ATP5PB: variants seen among roughly 807,000 people sequenced by gnomAD.
ATP5PB encodes the protein ATP synthase peripheral stalk subunit b, mitochondrial.
Under a neutral mutation model 34.5 loss-of-function variants are expected in ATP5PB, and 21 were observed. The observed-to-expected ratio is 0.61, with a 90% CI of 0.43 to 0.88. The LOEUF (loss-of-function observed/expected upper bound fraction) is 0.88, where lower values mean the gene tolerates loss of function less well. Ranked by LOEUF, ATP5PB falls within the 40% of genes least tolerant of loss-of-function variation. The pLI is 0.00. For missense variants in ATP5PB, 293 were observed against 317.4 expected, an observed-to-expected ratio of 0.92 and a Z score of 0.58; for synonymous variants, 108 against 114.1, an observed-to-expected ratio of 0.95 and a Z score of 0.34.
At chr1:111,457,597 A>G (rs1044873624) in intron 5 of ATP5PB, among the ~76,000 whole-genome samples, 4 of 152,122 alleles carry the variant, frequency 2.6e-5, no homozygotes, top group African/African-American at 9.7e-5. Flanking sequence ...ATCTTGGCCA[A>G]TATTTCTCAA....
intron 1 of ATP5PB, 94 bp from the exon 2 acceptor site, chr1:111,449,743 G>A: frequency 6.3e-7 from 1 of 1,588,702 alleles, no homozygotes; most frequent in Non-Finnish European, 8.6e-7. Context: ...GGAAAGAGGG[G>A]TACATAGGCT....
At chr1:111,460,078 C>T (rs554074891) in intron 6 of ATP5PB, among the ~76,000 whole-genome samples, 8 of 152,268 alleles carry the variant, frequency 5.3e-5, no homozygotes, top group African/African-American at 1.7e-4. Flanking sequence ...GTGACAGGAT[C>T]TCTTGAGCCC....
intron 5 of ATP5PB, among the ~76,000 whole-genome samples, chr1:111,458,858 T>C (rs941803313): frequency 1.3e-5 from 2 of 152,212 alleles, no homozygotes; most frequent in African/African-American, 4.8e-5. Context: ...TCCTAATTTC[T>C]GCCTCAGTTT....
Position 111,461,636 on chromosome 1 carries a change from A to G in ATP5PB, c.*642A>G, listed in dbSNP as rs1211272958. 1 of 152,298 alleles carries G rather than the reference A, an allele frequency of 6.6e-6. No homozygotes were observed. The highest frequency in any genetic ancestry group is 1.5e-5 in the Non-Finnish European group (1 of 68,124). The allele number at this position is 152,298 out of a possible 1,614,324, so 9.4% of individuals were successfully genotyped here. The stretch of plus-strand genomic sequence containing the variant: ...TGCAGCAGGCCAGGCACAGTGGCTC[A>G]CACCTGTAATGCCTGCACTTTGGAA... On this transcript the variant is annotated 3_prime_UTR_variant, in exon 7 of 7. Coordinates refer to ENST00000369722, the MANE Select transcript of ATP5PB (RefSeq NM_001688.5).
intron 5 of ATP5PB, among the ~76,000 whole-genome samples, chr1:111,458,902 A>G (rs758609425): frequency 6.6e-6 from 1 of 152,192 alleles, no homozygotes; most frequent in African/African-American, 2.4e-5. Flanking sequence ...TATAATAACT[A>G]TGCCATGGTT....
intron 6 of ATP5PB, among the ~76,000 whole-genome samples, chr1:111,460,140 G>T (rs188246500): frequency 2.0e-5 from 3 of 152,246 alleles, no homozygotes; most frequent in Admixed American, 6.5e-5. Flanking sequence ...CTCCAGCCTG[G>T]GTGAGAGAGC....
At position 111,458,656 on chromosome 1, in the gene ATP5PB, A is replaced by T. The variant is rs567272258; in HGVS notation, c.514-801A>T. 1.2e-4 allele frequency among the ~76,000 whole-genome samples: 18 copies of T among 144,638 alleles called. 1 individual carries two copies. The East Asian group carries it at 3.3e-3, about 26-fold the overall frequency. The allele number at this position is 144,638 out of a possible 152,430, so 94.9% of individuals were successfully genotyped here. A position where few individuals can be genotyped will look rare whatever the true frequency, so the allele number is the denominator to read the frequency against. On this transcript the variant is annotated intron_variant, in intron 5 of 6. Coordinates refer to ENST00000369722, the MANE Select transcript of ATP5PB (RefSeq NM_001688.5). ...TATAAGAACTTTGACTTGGACTCTG[A>T]ATGAGAGAAAGTCATTGAAGGATCA...
intron 2 of ATP5PB, among the ~76,000 whole-genome samples, chr1:111,451,222 C>T (rs1653323976): frequency 6.6e-6 from 1 of 152,192 alleles, no homozygotes; most frequent in African/African-American, 2.4e-5. Flanking sequence ...TATCTCTTGA[C>T]ACCATCTCCT....
rs752873057 is a variant in ATP5PB at position 111,454,283 on chromosome 1, C to T, written c.150C>T (p.Tyr50=). 1.1e-5 allele frequency: 17 copies of T among 1,613,294 alleles called. No individual in the cohort carries two copies. The highest frequency in any genetic ancestry group is 2.2e-5 in the South Asian group (2 of 90,904). Residue 50 remains tyrosine, a synonymous_variant, in exon 3 of 7, where the codon TAC becomes TAT. Transcript: ENST00000369722. ...TCCCTGTACCACCTCTTCCTGAATA[C>T]GGAGGAAAAGTTCGTTATGGACTGA... The part of the protein sequence containing the change: ...HLVPVPPLPE[Y]GGKVRYGLIP...
At chr1:111,459,857 A>G (rs1263093748) in intron 6 of ATP5PB, among the ~76,000 whole-genome samples, 1 of 152,148 alleles carries the variant, frequency 6.6e-6, no homozygotes, top group African/African-American at 2.4e-5. Context: ...TAACTGATAT[A>G]TTTAATTTCT....
chr1:111,449,864 T>C lies in ATP5PB; in HGVS notation c.68T>C (p.Leu23Pro). 1 of 1,614,190 alleles carries C rather than the reference T, an allele frequency of 6.2e-7. No homozygotes were observed. Among genetic ancestry groups the C allele is most frequent in the African/African-American group, 1.3e-5 (1 of 75,044 alleles). Residue 23 changes from leucine (L) to proline (P), a missense_variant, in exon 2 of 7, where the codon CTA (leucine) becomes CCA (proline). Leu to Pro is a moderately conservative substitution (Grantham distance 98, BLOSUM62 -3). Transcript: ENST00000369722. ...AAPSLKNAAF[L>P]GPGVLQATRT... ...CCCTCTCTGAAGAATGCAGCCTTCC[T>C]AGGTCCAGGGTAAGTGTGAGGATAA...
chr1:111,454,182 C>A, intron 2 of ATP5PB, 29 bp from the exon 3 acceptor site: 1 of 1,534,334 alleles, frequency 6.5e-7, no homozygotes, highest in South Asian at 1.3e-5. Flanking sequence ...AAGAAACAGG[C>A]TTTACATTTG....
Position 111,449,712 on chromosome 1 carries a change from A to T in ATP5PB, c.41-125A>T, listed in dbSNP as rs1430967950. 2.3e-5 allele frequency: 36 copies of T among 1,561,536 alleles called. No individual in the cohort carries two copies. The East Asian group carries it at 7.8e-4, about 34-fold the overall frequency. The stretch of plus-strand genomic sequence containing the variant: ...GAGTGGTCAGTGCAGTTCGGAAGGG[A>T]GCGTGGGGTCTTGAGGGACGGGAAA... On this transcript the variant is annotated intron_variant, in intron 1 of 6. Transcript: ENST00000369722.
intron 2 of ATP5PB, among the ~76,000 whole-genome samples, chr1:111,453,107 G>A (rs936158498): frequency 4.6e-5 from 7 of 152,170 alleles, no homozygotes; most frequent in African/African-American, 1.7e-4. Flanking sequence ...GAGGAATGGA[G>A]GGTAGGAAGT....
At position 111,449,502 on chromosome 1, in the gene ATP5PB, C is replaced by T; in HGVS notation, c.-40C>T. 6.2e-7 allele frequency: 1 copy of T among 1,614,210 alleles called. No homozygotes were observed. The highest frequency in any genetic ancestry group is 1.7e-5 in the Admixed American group (1 of 60,024). On this transcript the variant is annotated 5_prime_UTR_variant, in exon 1 of 7. Transcript: ENST00000369722. Reference sequence around the variant, plus strand: ...CCCTGACAGATTCTCCTATCGGGGTCACAGGGACGCTAAGATTGCTACCTG... The same window carrying T: ...CCCTGACAGATTCTCCTATCGGGGTTACAGGGACGCTAAGATTGCTACCTG...
At chr1:111,449,677 C>T (rs549922596) in intron 1 of ATP5PB, 96 bp downstream of exon 1, 13 of 1,546,922 alleles carry the variant, frequency 8.4e-6, no homozygotes, top group Admixed American at 3.6e-5. Context: ...GCGACACGGG[C>T]CTGAGAGGCG....
intron 2 of ATP5PB, among the ~76,000 whole-genome samples, chr1:111,451,447 C>T (rs902627257): frequency 2.0e-5 from 3 of 152,180 alleles, no homozygotes; most frequent in African/African-American, 7.2e-5. Flanking sequence ...TTAGAGCTGC[C>T]TGAAATTTTG....
chr1:111,460,808 C>G, intron 6 of ATP5PB, 109 bp from the exon 7 acceptor site: 1 of 825,516 alleles, frequency 1.2e-6, no homozygotes, highest in Non-Finnish European at 2.0e-6. Flanking sequence ...CAGTAATCAT[C>G]TTGAGGTTCT....
At chr1:111,456,476 G>A (rs912732254) in intron 4 of ATP5PB, among the ~76,000 whole-genome samples, 154 bp from the exon 5 acceptor site, 6 of 152,088 alleles carry the variant, frequency 3.9e-5, no homozygotes, top group Non-Finnish European at 8.8e-5. Flanking sequence ...GTTATTATGG[G>A]CAATTCTTTT....
Sources: allele counts gnomAD v4.1 joint callset (sites outside exome capture counted in the v4.1 genomes callset), GRCh38; gene constraint gnomAD v4.1.1; transcripts MANE v1.5; gene names NCBI Gene and HGNC (gene_info 2026-07-23, HGNC 2026-07-21).